Variants in ASXL2 observed in about 807,000 individuals in gnomAD.
ASXL2 encodes putative Polycomb group protein ASXL2.
In ASXL2, 23 loss-of-function variants were observed where a neutral mutation model predicts 122.0. That is an observed-to-expected ratio of 0.19 (90% CI 0.14 to 0.27). The LOEUF is 0.27. Ranked by LOEUF, ASXL2 falls within the 10% of genes least tolerant of loss-of-function variation. ASXL2 has a pLI of 1.00. For missense variants in ASXL2, 1,518 were observed against 1,713.8 expected, an observed-to-expected ratio of 0.89 and a Z score of 2.02; for synonymous variants, 650 against 637.0, an observed-to-expected ratio of 1.02 and a Z score of -0.31.
intron 1 of ASXL2, chr2:25,856,884 G>C (rs2089785773): frequency 1.3e-5 from 9 of 719,098 alleles, no homozygotes; most frequent in Non-Finnish European, 2.2e-5. Context: ...CTGGTCAAAG[G>C]GGTCCTCGAT....
chr2:25,820,053 A>G (rs1283070012), intron 3 of ASXL2, among the ~76,000 whole-genome samples: 1 of 152,144 alleles, frequency 6.6e-6, no homozygotes, highest in Non-Finnish European at 1.5e-5. Flanking sequence ...TTGGGACTAC[A>G]AGTGTGCACC....
At chr2:25,763,253 G>A (rs1179334121) in intron 8 of ASXL2, among the ~76,000 whole-genome samples, 1 of 152,126 alleles carries the variant, frequency 6.6e-6, no homozygotes, top group Non-Finnish European at 1.5e-5. Flanking sequence ...CACTTTAGGA[G>A]GCTGAGGCGG....
rs145939670 is a variant in ASXL2 at position 25,736,761 on chromosome 2, G to C, written c.*5268C>G. On this transcript the variant is annotated 3_prime_UTR_variant, in exon 13 of 13. Coordinates refer to ENST00000435504, the MANE Select transcript of ASXL2 (RefSeq NM_018263.6). ...GGGAACTAGTGAACTACAATAAAAA[G>C]TCAGTTTTATGGGTCATCAAGATAC... 6.6e-6 allele frequency: 1 copy of C among 151,974 alleles called. No homozygotes were observed. The highest frequency in any genetic ancestry group is 1.5e-5 in the Non-Finnish European group (1 of 67,978). 9.4% of individuals were successfully genotyped at this position (151,974 alleles called of 1,614,324 possible). A position where few individuals can be genotyped will look rare whatever the true frequency, so the allele number is the denominator to read the frequency against.
At chr2:25,845,233 TA>T in intron 2 of ASXL2, 2 of 517,550 alleles carry the variant, frequency 3.9e-6, no homozygotes, top group Non-Finnish European at 7.1e-6. Context: ...CAGGTCTTCC[TA>T]AAAATTAAAG....
At chr2:25,832,987 A>C (rs1272359695) in intron 3 of ASXL2, among the ~76,000 whole-genome samples, 1 of 152,182 alleles carries the variant, frequency 6.6e-6, no homozygotes, top group Non-Finnish European at 1.5e-5. Flanking sequence ...AAATGACAAA[A>C]TTATAGAAAT....
chr2:25,755,781 A>T (rs1462622515), intron 10 of ASXL2, among the ~76,000 whole-genome samples: 1 of 152,208 alleles, frequency 6.6e-6, no homozygotes, highest in Non-Finnish European at 1.5e-5. Context: ...TGTATTTTTT[A>T]ATTTCTTGGA....
At chr2:25,810,693 G>T (rs1399170464) in intron 3 of ASXL2, 2 of 683,406 alleles carry the variant, frequency 2.9e-6, no homozygotes, top group Admixed American at 3.7e-5. Flanking sequence ...TCCAGATCCT[G>T]CCTCCTCTGC....
At position 25,740,108 on chromosome 2, in the gene ASXL2, G is replaced by C. The variant is rs1023963015; in HGVS notation, c.*1921C>G. 10 of 225,986 alleles carry C rather than the reference G, an allele frequency of 4.4e-5. No homozygotes were observed. The highest frequency in any genetic ancestry group is 1.8e-4 in the African/African-American group (8 of 44,980). 14.0% of individuals were successfully genotyped at this position (225,986 alleles called of 1,614,324 possible). A position where few individuals can be genotyped will look rare whatever the true frequency, so the allele number is the denominator to read the frequency against. On this transcript the variant is annotated 3_prime_UTR_variant, in exon 13 of 13. Coordinates refer to ENST00000435504, the MANE Select transcript of ASXL2 (RefSeq NM_018263.6). ...TGTGTGTGCTGGAAGAAAGGAGAAA[G>C]ATGGACAGACATATCGTTCTGGCTG...
At chr2:25,865,812 A>T (rs944084777) in intron 1 of ASXL2, among the ~76,000 whole-genome samples, 2 of 151,504 alleles carry the variant, frequency 1.3e-5, no homozygotes, top group Non-Finnish European at 2.9e-5. Context: ...ATCCAATATA[A>T]AACAATGAGC....
At chr2:25,787,678 TA>T (rs1664666604) in intron 5 of ASXL2, among the ~76,000 whole-genome samples, 2 of 152,150 alleles carry the variant, frequency 1.3e-5, no homozygotes, top group African/African-American at 4.8e-5. Flanking sequence ...TGTCAAGGAA[TA>T]AATCTGATAA....
intron 3 of ASXL2, among the ~76,000 whole-genome samples, chr2:25,833,083 T>C (rs1476832531): frequency 6.6e-6 from 1 of 152,198 alleles, no homozygotes; most frequent in Non-Finnish European, 1.5e-5. Context: ...GGGATATTTG[T>C]TGAAAGTATT....
At chr2:25,810,948 T>C (rs2089159833) in intron 3 of ASXL2, among the ~76,000 whole-genome samples, 1 of 152,068 alleles carries the variant, frequency 6.6e-6, no homozygotes, top group African/African-American at 2.4e-5. Context: ...TATAATCTTC[T>C]GGGCACTGTG....
chr2:25,763,804 G>T (rs963324817), intron 8 of ASXL2, among the ~76,000 whole-genome samples: 3 of 152,136 alleles, frequency 2.0e-5, no homozygotes, highest in Non-Finnish European at 4.4e-5. Context: ...GATATAACTT[G>T]CCCAAGTCAC....
At chr2:25,745,590 G>A (rs1439507073) in intron 12 of ASXL2, among the ~76,000 whole-genome samples, 3 of 143,824 alleles carry the variant, frequency 2.1e-5, no homozygotes, top group African/African-American at 7.7e-5. Context: ...TTTCTAAAAA[G>A]CTACTTGTGA....
intron 10 of ASXL2, among the ~76,000 whole-genome samples, chr2:25,755,140 T>C (rs2088112027): frequency 6.6e-6 from 1 of 152,256 alleles, no homozygotes; most frequent in African/African-American, 2.4e-5. Flanking sequence ...TTATTCCATG[T>C]ATACTGAAAA....
At chr2:25,756,659 T>G (rs1039306768) in intron 9 of ASXL2, among the ~76,000 whole-genome samples, 12 of 152,200 alleles carry the variant, frequency 7.9e-5, no homozygotes, top group African/African-American at 2.9e-4. Context: ...CAGCAGAAAT[T>G]GGTAAACCTT....
At position 25,866,547 on chromosome 2, in the gene ASXL2, C is replaced by A. The variant is rs537991452; in HGVS notation, c.57+11619G>T. On this transcript the variant is annotated intron_variant, in intron 1 of 12. Coordinates refer to ENST00000435504, the MANE Select transcript of ASXL2 (RefSeq NM_018263.6). ...TTTGTCATTTACTACCTTTTATCTGCTAGAAAACAGAGCTGAGAAATACAT... is the reference window on the plus strand; with the variant it reads ...TTTGTCATTTACTACCTTTTATCTGATAGAAAACAGAGCTGAGAAATACAT... 3.3e-5 allele frequency among the ~76,000 whole-genome samples: 5 copies of A among 152,240 alleles called. No homozygotes were observed. The South Asian group carries it at 1.0e-3, about 32-fold the overall frequency.
chr2:25,850,974 A>G (rs1270158057), intron 1 of ASXL2, among the ~76,000 whole-genome samples: 3 of 152,216 alleles, frequency 2.0e-5, no homozygotes, highest in East Asian at 3.9e-4. Context: ...CCTCATCTCT[A>G]CTAAAACTAC....
At chr2:25,824,218 C>G (rs2089348374) in intron 3 of ASXL2, among the ~76,000 whole-genome samples, 1 of 151,648 alleles carries the variant, frequency 6.6e-6, no homozygotes, top group African/African-American at 2.4e-5. Context: ...GAAAAAAATA[C>G]AAATATAAAA....
Sources: allele counts gnomAD v4.1 joint callset (sites outside exome capture counted in the v4.1 genomes callset), GRCh38; gene constraint gnomAD v4.1.1; transcripts MANE v1.5; gene names NCBI Gene and HGNC (gene_info 2026-07-23, HGNC 2026-07-21).